Variants in OXNAD1 observed in about 807,000 individuals in gnomAD.
The protein encoded by OXNAD1 is oxidoreductase NAD-binding domain-containing protein 1.
OXNAD1 carries 34 observed loss-of-function variants against 32.9 expected under a neutral mutation model. The ratio of observed to expected loss-of-function variants is 1.03; its 90% confidence interval spans 0.79 to 1.38. OXNAD1 has a LOEUF of 1.38. Among genes scored for constraint, OXNAD1 ranks in the 40% most tolerant of loss-of-function variants. The probability of loss-of-function intolerance (pLI) is 0.00; values close to 1 mark genes in which losing one functional copy is unlikely to be tolerated. For missense variants in OXNAD1, 407 were observed against 379.4 expected, an observed-to-expected ratio of 1.07 and a Z score of -0.60; for synonymous variants, 134 against 135.2, an observed-to-expected ratio of 0.99 and a Z score of 0.06.
Position 16,302,091 on chromosome 3 carries a change from T to C in OXNAD1, c.675+223T>C, listed in dbSNP as rs1194586673. 6.6e-6 allele frequency among the ~76,000 whole-genome samples: 1 copy of C among 152,146 alleles called. No individual in the cohort carries two copies. Among genetic ancestry groups the C allele is most frequent in the Non-Finnish European group, 1.5e-5 (1 of 68,024 alleles). ...TTAGGTGACAGGAAAGGGTAGGTTT[T>C]GGTGGGATGGAATCTGGAGGTTAAA... On this transcript the variant is annotated intron_variant, in intron 7 of 8. Transcript: ENST00000285083. This position sits in a 1 kb window ranked among gnomAD's most constrained non-coding sequence, Gnocchi z 4.2.
In OXNAD1 at chr3:16,345,817, T is replaced by TGTGTGTGTGTGTGCGC. The variant is rs1160939614; in HGVS notation, c.*31-3358_*31-3357insTGTGTGTGTGTGCGCG. On this transcript the variant is annotated intron_variant, in intron 9 of 9. Coordinates refer to the OXNAD1 transcript ENST00000606098. This position sits in a 1 kb window ranked among gnomAD's most constrained non-coding sequence, Gnocchi z 5.2. ...GTGTGTGTGTGTGTGTGTGTGTGTG[T>TGTGTGTGTGTGTGCGC]GCGCGCGCGCGTGCGCGCACGCGCA... Among the ~76,000 whole-genome samples, 17 of 74,616 alleles carry TGTGTGTGTGTGTGCGC rather than the reference T, an allele frequency of 2.3e-4. No homozygotes were observed. Among genetic ancestry groups the TGTGTGTGTGTGTGCGC allele is most frequent in the African/African-American group, 8.8e-4 (16 of 18,180 alleles). 49.0% of individuals were successfully genotyped at this position (74,616 alleles called of 152,430 possible).
Position 16,286,373 on chromosome 3 carries a change from C to T in OXNAD1, c.215C>T (p.Ala72Val). Reference sequence around the variant, plus strand: ...TCAGCAGCTAAGGTGTGTGGAGCTGCCAGTGAGTCACCGTCAGTGAAGAGC... The same window carrying T: ...TCAGCAGCTAAGGTGTGTGGAGCTGTCAGTGAGTCACCGTCAGTGAAGAGC... ...IVSAAKVCGA[A>V]SESPSVKSLR... The change falls in exon 5 of 9, where the codon GCC becomes GTC. Residue 72 changes from alanine to valine, a missense_variant. Physicochemically the swap from Ala to Val is moderately conservative, Grantham distance 64 (BLOSUM62 0). Coordinates refer to ENST00000285083, the MANE Select transcript of OXNAD1 (RefSeq NM_138381.5). 6.2e-7 allele frequency: 1 copy of T among 1,613,858 alleles called. No individual in the cohort carries two copies. Among genetic ancestry groups the T allele is most frequent in the Non-Finnish European group, 8.5e-7 (1 of 1,179,802 alleles).
In OXNAD1 at chr3:16,317,043, T is replaced by C. The variant is rs747364482; in HGVS notation, c.*30+13451T>C. The C allele has an allele frequency of 1.2e-6, 2 of 1,613,514 alleles. No individual in the cohort carries two copies. The highest frequency in any genetic ancestry group is 8.5e-7 in the Non-Finnish European group (1 of 1,179,902). On this transcript the variant is annotated intron_variant, in intron 9 of 9. Coordinates refer to the OXNAD1 transcript ENST00000435829. The surrounding 1 kb of genome is among the most constrained non-coding windows in gnomAD (Gnocchi z 4.3). ...TTGTCCTCTTGGACAGGGCCCTTCATCTCCTCGGAGACTCCACCCTCCTGC... is the reference window on the plus strand; with the variant it reads ...TTGTCCTCTTGGACAGGGCCCTTCACCTCCTCGGAGACTCCACCCTCCTGC...
downstream of OXNAD1, among the ~76,000 whole-genome samples, chr3:16,308,927 AAAT>A (rs1195548984): frequency 2.7e-5 from 4 of 149,944 alleles, no homozygotes; most frequent in Admixed American, 1.4e-4. This position sits in a 1 kb window ranked among gnomAD's most constrained non-coding sequence, Gnocchi z 4.4. Flanking sequence ...AAAAATTGTT[AAAT>A]AATTTTTTAA....
chr3:16,316,355 C>T lies in OXNAD1; in HGVS notation c.*30+12763C>T, dbSNP rs185525991. The T allele has an allele frequency of 1.6e-5, 3 of 186,188 alleles. No homozygotes were observed. The East Asian group carries it at 5.6e-4, about 35-fold the overall frequency. The allele number at this position is 186,188 out of a possible 1,614,324, so 11.5% of individuals were successfully genotyped here. A position where few individuals can be genotyped will look rare whatever the true frequency, so the allele number is the denominator to read the frequency against. On this transcript the variant is annotated intron_variant, in intron 9 of 9. Transcript: ENST00000435829. The surrounding 1 kb of genome is among the most constrained non-coding windows in gnomAD (Gnocchi z 4.5). ...TCGAAGGGGTTTAGGTGGAGGAGGG[C>T]AGCTGACAGGGCTCCTGGAGTTGTT...
At chr3:16,295,777 A>G (rs984837917) in intron 6 of OXNAD1, among the ~76,000 whole-genome samples, 1 of 152,216 alleles carries the variant, frequency 6.6e-6, no homozygotes, top group African/African-American at 2.4e-5. Context: ...TCTTTACCAA[A>G]AACACATACC....
In OXNAD1 at chr3:16,271,255, G is replaced by A; in HGVS notation, c.119+184G>A. The A allele has an allele frequency of 1.4e-6, 1 of 689,946 alleles. No homozygotes were observed. 42.7% of individuals were successfully genotyped at this position (689,946 alleles called of 1,614,324 possible). The stretch of plus-strand genomic sequence containing the variant: ...GTCTTGCTCCGTCGCCTGGGCTGGA[G>A]TGCAGTGGCACGATCTTAGCTCACT... On this transcript the variant is annotated intron_variant, in intron 3 of 8. Coordinates refer to ENST00000285083, the MANE Select transcript of OXNAD1 (RefSeq NM_138381.5). This position sits in a 1 kb window ranked among gnomAD's most constrained non-coding sequence, Gnocchi z 4.6.
At chr3:16,325,638 C>T (rs902138025) in intron 9 of OXNAD1, among the ~76,000 whole-genome samples, 2 of 152,108 alleles carry the variant, frequency 1.3e-5, no homozygotes, top group Admixed American at 6.5e-5. Context: ...CTATGCCTGT[C>T]GAAGTCTTGG....
At position 16,302,491 on chromosome 3, in the gene OXNAD1, C is replaced by T. The variant is rs2067254330; in HGVS notation, c.676-149C>T. On this transcript the variant is annotated intron_variant, in intron 7 of 8. Transcript: ENST00000285083. This position sits in a 1 kb window ranked among gnomAD's most constrained non-coding sequence, Gnocchi z 4.2. ...CCCTCTGTAGTCTGAATGCTCTGGCCTGCTAGGCTGCAAACAATATCTCTC... is the reference window on the plus strand; with the variant it reads ...CCCTCTGTAGTCTGAATGCTCTGGCTTGCTAGGCTGCAAACAATATCTCTC... The T allele has an allele frequency of 1.6e-6, 1 of 615,206 alleles. No homozygotes were observed. The highest frequency in any genetic ancestry group is 2.9e-6 in the Non-Finnish European group (1 of 345,548). 38.1% of individuals were successfully genotyped at this position (615,206 alleles called of 1,614,324 possible). A position where few individuals can be genotyped will look rare whatever the true frequency, so the allele number is the denominator to read the frequency against.
intron 4 of OXNAD1, among the ~76,000 whole-genome samples, chr3:16,283,351 A>G (rs2065877838): frequency 1.3e-5 from 2 of 152,182 alleles, no homozygotes; most frequent in Admixed American, 6.6e-5. Flanking sequence ...GAACCATCAG[A>G]TGATTTAGGG....
chr3:16,296,085 C>G (rs779085868), intron 6 of OXNAD1, among the ~76,000 whole-genome samples: 1 of 152,114 alleles, frequency 6.6e-6, no homozygotes, highest in Non-Finnish European at 1.5e-5. Context: ...CGTTTTGTGG[C>G]TGTAGAAGGC....
At position 16,289,005 on chromosome 3, in the gene OXNAD1, A is replaced by G. The variant is rs1365111724; in HGVS notation, c.290+2557A>G. 6.6e-6 allele frequency among the ~76,000 whole-genome samples: 1 copy of G among 152,124 alleles called. No homozygotes were observed. Among genetic ancestry groups the G allele is most frequent in the Admixed American group, 6.5e-5 (1 of 15,274 alleles). ...TGCTCAGCTCACATGCTTGCTTTCT[A>G]CCAGCCAGCTCTGTGATGTGGTCAG... is the stretch of plus-strand genomic sequence containing the variant. On this transcript the variant is annotated intron_variant, in intron 5 of 8. Transcript: ENST00000285083. The surrounding 1 kb of genome is among the most constrained non-coding windows in gnomAD (Gnocchi z 4.9).
rs2067012795 is a variant in OXNAD1, at chr3:16,299,249, G to C, written c.433-2377G>C. Among the ~76,000 whole-genome samples the C allele has an allele frequency of 6.6e-6, 1 of 152,160 alleles. No individual in the cohort carries two copies. Among genetic ancestry groups the C allele is most frequent in the Admixed American group, 6.5e-5 (1 of 15,272 alleles). On this transcript the variant is annotated intron_variant, in intron 6 of 8. Coordinates refer to ENST00000285083, the MANE Select transcript of OXNAD1 (RefSeq NM_138381.5). This position sits in a 1 kb window ranked among gnomAD's most constrained non-coding sequence, Gnocchi z 4.4. The stretch of plus-strand genomic sequence containing the variant: ...GCAAGCAAGAGAGGGAGGGAAGGAG[G>C]ATATAGGAGATGAAATTCATTGTCA...
intron 4 of OXNAD1, among the ~76,000 whole-genome samples, chr3:16,278,129 T>G: frequency 6.7e-6 from 1 of 149,076 alleles, no homozygotes; most frequent in East Asian, 1.9e-4. Flanking sequence ...TGCATTCATT[T>G]GTTCATTTGG....
chr3:16,282,170 G>A (rs1418153607), intron 4 of OXNAD1, among the ~76,000 whole-genome samples: 1 of 150,990 alleles, frequency 6.6e-6, no homozygotes, highest in Non-Finnish European at 1.5e-5. Flanking sequence ...GTAAGAAAAG[G>A]GGAATAATGA....
rs1174772421 is a variant in OXNAD1, at chr3:16,287,831, A to G, written c.290+1383A>G. Among the ~76,000 whole-genome samples the G allele has an allele frequency of 6.6e-6, 1 of 152,238 alleles. No homozygotes were observed. Among genetic ancestry groups the G allele is most frequent in the Non-Finnish European group, 1.5e-5 (1 of 68,046 alleles). On this transcript the variant is annotated intron_variant, in intron 5 of 8. Coordinates refer to ENST00000285083, the MANE Select transcript of OXNAD1 (RefSeq NM_138381.5). This position sits in a 1 kb window ranked among gnomAD's most constrained non-coding sequence, Gnocchi z 4.8. ...AAATAGAGTCCTACTGTGATTCTCA[A>G]GATGAAATGATTTGGGATTGGTGTC...
At chr3:16,270,728 A>G (rs2064865123) in intron 2 of OXNAD1, among the ~76,000 whole-genome samples, 1 of 152,194 alleles carries the variant, frequency 6.6e-6, no homozygotes, top group African/African-American at 2.4e-5. Flanking sequence ...AAAATTACAT[A>G]CTTATATACA....
At chr3:16,313,202 C>A (rs1050931806) in intron 9 of OXNAD1, among the ~76,000 whole-genome samples, 1 of 97,458 alleles carries the variant, frequency 1.0e-5, no homozygotes, top group African/African-American at 6.1e-5. Context: ...CCACACCCAG[C>A]GGATTTTTTT....
At chr3:16,267,429 G>A (rs1196981380) in intron 1 of OXNAD1, among the ~76,000 whole-genome samples, 1 of 152,128 alleles carries the variant, frequency 6.6e-6, no homozygotes, top group Admixed American at 6.5e-5. Context: ...ACTATAGACT[G>A]CTGGACTTCA....
Sources: gnomAD v4.1 joint callset for allele counts (sites outside exome capture counted in the v4.1 genomes callset) on GRCh38, gnomAD v4.1.1 for gene constraint, Gnocchi (gnomAD v3.1) non-coding constraint, MANE v1.5 for transcripts, NCBI Gene and HGNC (gene_info 2026-07-23, HGNC 2026-07-21) for gene names.